The following BICD2 variants were observed in gnomAD, a reference collection of about 807,000 sequenced individuals.
BICD2 encodes BICD cargo adaptor 2, also known as protein bicaudal D homolog 2.
Under a neutral mutation model 72.9 loss-of-function variants are expected in BICD2, and 25 were observed. The observed-to-expected ratio is 0.34, with a 90% CI of 0.25 to 0.48. The LOEUF is 0.48. Ranked by LOEUF, BICD2 falls within the 20% of genes least tolerant of loss-of-function variation. The pLI, the probability that BICD2 is intolerant of heterozygous loss-of-function variation, is 0.99. For synonymous variants in BICD2, 501 were observed against 516.1 expected (o/e 0.97, Z 0.40); for missense variants, 894 against 1,175.2 (o/e 0.76, Z 3.50).
intron 1 of BICD2, among the ~76,000 whole-genome samples, chr9:92,751,203 T>A (rs1223960567): frequency 5.3e-5 from 8 of 151,790 alleles, no homozygotes; most frequent in African/African-American, 1.9e-4. Context: ...CAGGTTGGAA[T>A]GCAGTGGTAC....
chr9:92,735,052 GAC>G (rs1297635821), intron 1 of BICD2, among the ~76,000 whole-genome samples: 1 of 152,218 alleles, frequency 6.6e-6, no homozygotes, highest in Admixed American at 6.5e-5. Flanking sequence ...CACTGTGCTT[GAC>G]ACAAGCTCCC....
intron 1 of BICD2, among the ~76,000 whole-genome samples, chr9:92,739,068 C>T (rs1342626946): frequency 6.6e-6 from 1 of 152,172 alleles, no homozygotes; most frequent in Non-Finnish European, 1.5e-5. Flanking sequence ...CTCGGTTGGG[C>T]CCTCCCACCA....
At chr9:92,735,991 C>G (rs1213078416) in intron 1 of BICD2, among the ~76,000 whole-genome samples, 1 of 152,220 alleles carries the variant, frequency 6.6e-6, no homozygotes, top group Non-Finnish European at 1.5e-5. Flanking sequence ...AGCTGTGGAA[C>G]TGATCATGTG....
chr9:92,760,528 T>C (rs1854350576), intron 1 of BICD2, among the ~76,000 whole-genome samples: 1 of 152,168 alleles, frequency 6.6e-6, no homozygotes, highest in South Asian at 2.1e-4. Flanking sequence ...TTTTTAAAAG[T>C]GTAAGGGTCC....
At position 92,719,512 on chromosome 9, in the gene BICD2, C is replaced by A. The variant is rs1440404997; in HGVS notation, c.1133G>T (p.Gly378Val). The A allele has an allele frequency of 1.2e-6, 2 of 1,613,520 alleles. No homozygotes were observed. Among genetic ancestry groups the A allele is most frequent in the African/African-American group, 1.3e-5 (1 of 74,948 alleles). ...DTQKQLEHTR[G>V]SLSEQQEKVT... ...CTTCTCCTGCTGTTCTGACAGGGAG[C>A]CCCGCGTGTGCTCCAGCTGCTTCTG... The change falls in exon 5 of 7, where the codon GGC becomes GTC. Residue 378 changes from glycine to valine, a missense_variant. Gly to Val is a moderately radical substitution (Grantham distance 109, BLOSUM62 -3). Coordinates refer to ENST00000356884, the MANE Select transcript of BICD2 (RefSeq NM_001003800.2).
intron 2 of BICD2, among the ~76,000 whole-genome samples, chr9:92,723,273 C>A (rs143050035): frequency 6.6e-6 from 1 of 152,304 alleles, no homozygotes; most frequent in Non-Finnish European, 1.5e-5. Context: ...ATGTTCACAG[C>A]AGCAGCGTTC....
chr9:92,736,783 C>T (rs1853796181), intron 1 of BICD2, among the ~76,000 whole-genome samples: 1 of 152,200 alleles, frequency 6.6e-6, no homozygotes, highest in Non-Finnish European at 1.5e-5. Context: ...GTTTTAGCAG[C>T]TCCATGACCG....
At chr9:92,747,845 AGCATCTGTG>A (rs1854047178) in intron 1 of BICD2, among the ~76,000 whole-genome samples, 1 of 152,206 alleles carries the variant, frequency 6.6e-6, no homozygotes, top group Admixed American at 6.5e-5. Context: ...AGGCTCAGGA[AGCATCTGTG>A]GCATGAATGG....
intron 3 of BICD2, among the ~76,000 whole-genome samples, chr9:92,722,068 G>A (rs1401197511): frequency 1.3e-5 from 2 of 152,222 alleles, no homozygotes; most frequent in African/African-American, 2.4e-5. Context: ...CAGGAGTGTG[G>A]CTCTTGCAGA....
intron 2 of BICD2, among the ~76,000 whole-genome samples, chr9:92,727,223 T>C (rs1299267941): frequency 6.6e-6 from 1 of 152,096 alleles, no homozygotes; most frequent in Admixed American, 6.5e-5. Flanking sequence ...GCAGCATCCT[T>C]CAGTACTGGA....
rs1169381290 is a variant in BICD2 at position 92,757,312 on chromosome 9, CAAAAAAA to C, written c.240+7186_240+7192del. 3.4e-3 allele frequency among the ~76,000 whole-genome samples: 178 copies of C among 52,720 alleles called. 2 individuals carry two copies. Among genetic ancestry groups the C allele is most frequent in the Non-Finnish European group, 4.5e-3 (127 of 28,054 alleles). 34.6% of individuals were successfully genotyped at this position (52,720 alleles called of 152,430 possible). The stretch of plus-strand genomic sequence containing the variant: ...CTGGGCGACAGAACGAGACTGTCTC[CAAAAAAA>C]AAAAAAAAAAAAAAAAAAAATTGAG... On this transcript the variant is annotated intron_variant, in intron 1 of 6. Coordinates refer to ENST00000356884, the MANE Select transcript of BICD2 (RefSeq NM_001003800.2).
chr9:92,749,037 G>T (rs1306682865), intron 1 of BICD2, among the ~76,000 whole-genome samples: 2 of 152,064 alleles, frequency 1.3e-5, no homozygotes, highest in African/African-American at 4.8e-5. Flanking sequence ...GGTCCCTGAG[G>T]AACTCAGACA....
At chr9:92,727,545 C>T (rs11788628) in intron 2 of BICD2, among the ~76,000 whole-genome samples, 3,929 of 152,318 alleles carry the variant, frequency 0.026, 70 homozygotes, top group Non-Finnish European at 0.038. Context: ...ACTCCTCCAG[C>T]CATTCCCAAT....
chr9:92,712,321 T>C lies in BICD2; in HGVS notation c.*2833A>G, dbSNP rs1215911646. 1.3e-5 allele frequency: 2 copies of C among 152,696 alleles called. No individual in the cohort carries two copies. Among genetic ancestry groups the C allele is most frequent in the Admixed American group, 1.3e-4 (2 of 15,286 alleles). 9.5% of individuals were successfully genotyped at this position (152,696 alleles called of 1,614,324 possible). A position where few individuals can be genotyped will look rare whatever the true frequency, so the allele number is the denominator to read the frequency against. ...CAATGAAGATGCCCAGGTCTGGGTG[T>C]GAGGAGCACCTGCCTCACCTGCTGT... is the stretch of plus-strand genomic sequence containing the variant. On this transcript the variant is annotated 3_prime_UTR_variant, in exon 7 of 7. Transcript: ENST00000356884.
chr9:92,736,789 G>A (rs949327036), intron 1 of BICD2, among the ~76,000 whole-genome samples: 2 of 152,150 alleles, frequency 1.3e-5, no homozygotes, highest in East Asian at 1.9e-4. Flanking sequence ...GCAGCTCCAT[G>A]ACCGGAGCCC....
chr9:92,759,709 T>C (rs573313433), intron 1 of BICD2, among the ~76,000 whole-genome samples: 15 of 152,328 alleles, frequency 9.8e-5, no homozygotes, highest in African/African-American at 3.1e-4. Context: ...GCCTGCATAG[T>C]CCTGGCCAGC....
chr9:92,764,784 C>A lies in BICD2; in HGVS notation c.-40G>T. ...GAGCCGGCTCCCACTGAGGCTCTCG[C>A]AGGCCGGGCCCTCCTCAGCCGCCGC... is the stretch of plus-strand genomic sequence containing the variant. On this transcript the variant is annotated 5_prime_UTR_variant, in exon 1 of 7. Coordinates refer to ENST00000356884, the MANE Select transcript of BICD2 (RefSeq NM_001003800.2). This position sits in a 1 kb window ranked among gnomAD's most constrained non-coding sequence, Gnocchi z 5.5. 1.4e-6 allele frequency: 2 copies of A among 1,418,558 alleles called. No individual in the cohort carries two copies. Among genetic ancestry groups the A allele is most frequent in the Non-Finnish European group, 1.8e-6 (2 of 1,088,104 alleles). 87.9% of individuals were successfully genotyped at this position (1,418,558 alleles called of 1,614,324 possible).
rs80052006 is a variant in BICD2 at position 92,762,337 on chromosome 9, G to T, written c.240+2168C>A. On this transcript the variant is annotated intron_variant, in intron 1 of 6. Coordinates refer to ENST00000356884, the MANE Select transcript of BICD2 (RefSeq NM_001003800.2). ...CATGGGTGTGAGGAACACGCATGCT[G>T]TTGATGGGGGGTGAACTGGTACAAA... Among the ~76,000 whole-genome samples the T allele has an allele frequency of 7.9e-3, 1,200 of 152,242 alleles. 20 individuals carry two copies. The highest frequency in any genetic ancestry group is 0.027 in the African/African-American group (1,122 of 41,532).
In BICD2 at chr9:92,715,365, A is replaced by T; in HGVS notation, c.2357T>A (p.Ile786Asn). 1.2e-6 allele frequency: 2 copies of T among 1,613,050 alleles called. No individual in the cohort carries two copies. The highest frequency in any genetic ancestry group is 1.7e-6 in the Non-Finnish European group (2 of 1,179,720). ...CTGGGTCAGCGCCAGCTTCTGCTGG[A>T]TGGCCATGCGCAGCAGCGAGTTCAG... is the stretch of plus-strand genomic sequence containing the variant. Reference protein sequence around the residue: ...KTLNSLLRMAIQQKLALTQRL... With the variant: ...KTLNSLLRMANQQKLALTQRL... Residue 786 changes from isoleucine (I) to asparagine (N), a missense_variant, in exon 7 of 7, where the codon ATC becomes AAC. Physicochemically the swap from Ile to Asn is moderately radical, Grantham distance 149. Coordinates refer to ENST00000356884, the MANE Select transcript of BICD2 (RefSeq NM_001003800.2).
Sources: gnomAD v4.1 joint callset for allele counts (sites outside exome capture counted in the v4.1 genomes callset) on GRCh38, gnomAD v4.1.1 for gene constraint, Gnocchi (gnomAD v3.1) non-coding constraint, MANE v1.5 for transcripts, NCBI Gene and HGNC (gene_info 2026-07-23, HGNC 2026-07-21) for gene names.